The following CHRNA7 variants were observed in gnomAD, a reference collection of about 807,000 sequenced individuals.
The protein encoded by CHRNA7 is neuronal acetylcholine receptor subunit alpha-7.
CHRNA7 carries 17 observed loss-of-function variants against 48.0 expected under a neutral mutation model. That is an observed-to-expected ratio of 0.35 (90% CI 0.24 to 0.53). CHRNA7 has a LOEUF of 0.53. Among genes scored for constraint, CHRNA7 ranks in the 20% least tolerant of loss-of-function variants. The pLI is 0.92. For missense variants in CHRNA7, 155 were observed against 577.7 expected (o/e 0.27, Z 7.50); for synonymous variants, 75 against 242.3 (o/e 0.31, Z 6.41).
intron 4 of CHRNA7, among the ~76,000 whole-genome samples, chr15:32,129,595 A>G (rs940438569): frequency 2.0e-5 from 3 of 151,896 alleles, no homozygotes; most frequent in Non-Finnish European, 4.4e-5. Context: ...TTTGATGTCT[A>G]CAATGTCTGT....
intron 7 of CHRNA7, chr15:32,159,013 C>T: frequency 4.0e-6 from 1 of 247,798 alleles, no homozygotes; most frequent in Non-Finnish European, 7.7e-6. Flanking sequence ...ACGATCACTC[C>T]CATACGAAGC....
intron 2 of CHRNA7, among the ~76,000 whole-genome samples, chr15:32,031,667 G>A (rs1270230969): frequency 1.3e-5 from 2 of 152,364 alleles, no homozygotes; most frequent in Admixed American, 6.5e-5. Context: ...CCTCCAGGCA[G>A]CTGCCATCAG....
intron 4 of CHRNA7, among the ~76,000 whole-genome samples, chr15:32,139,941 C>CT: frequency 6.6e-6 from 1 of 152,028 alleles, no homozygotes; most frequent in Non-Finnish European, 1.5e-5. Flanking sequence ...TATTATTATA[C>CT]TTTAAGTTAT....
At chr15:32,137,335 A>C (rs933892376) in intron 4 of CHRNA7, among the ~76,000 whole-genome samples, 27 of 140,252 alleles carry the variant, frequency 1.9e-4, no homozygotes, top group East Asian at 1.3e-3. Context: ...TGTTTACAAC[A>C]CCCCCCCCCC....
At chr15:32,064,589 A>G (rs989816341) in intron 2 of CHRNA7, among the ~76,000 whole-genome samples, 1 of 152,022 alleles carries the variant, frequency 6.6e-6, no homozygotes, top group African/African-American at 2.4e-5. Context: ...GCTTCATCAT[A>G]GCATGATTTG....
intron 4 of CHRNA7, among the ~76,000 whole-genome samples, chr15:32,131,355 C>T (rs565478730): frequency 6.6e-6 from 1 of 151,696 alleles, no homozygotes; most frequent in Non-Finnish European, 1.5e-5. Context: ...CAGGCTGTGT[C>T]GATTTTTTTT....
chr15:32,107,906 G>T (rs2050697516), intron 3 of CHRNA7, among the ~76,000 whole-genome samples: 1 of 152,082 alleles, frequency 6.6e-6, no homozygotes, highest in Non-Finnish European at 1.5e-5. Flanking sequence ...CAGGCCTCAG[G>T]CATGGTCAGA....
At chr15:32,059,944 C>CAAAAAAAAA (rs34200550) in intron 2 of CHRNA7, among the ~76,000 whole-genome samples, 13 of 33,052 alleles carry the variant, frequency 3.9e-4, no homozygotes, top group Admixed American at 1.9e-3. Flanking sequence ...AGTAGAAAAG[C>CAAAAAAAAA]AAAAAAAAAA....
At chr15:32,065,410 G>A (rs1158677092) in intron 2 of CHRNA7, among the ~76,000 whole-genome samples, 2 of 152,218 alleles carry the variant, frequency 1.3e-5, no homozygotes, top group South Asian at 2.1e-4. Context: ...ACCAAATGCA[G>A]AGCTTTCCCA....
At chr15:32,147,428 C>CCTG (rs1160850503) in intron 4 of CHRNA7, among the ~76,000 whole-genome samples, 1 of 152,192 alleles carries the variant, frequency 6.6e-6, no homozygotes, top group Non-Finnish European at 1.5e-5. Context: ...ATAGCACGTG[C>CCTG]CTGCAGTCCT....
chr15:32,073,850 A>G (rs903771745), intron 2 of CHRNA7, among the ~76,000 whole-genome samples: 10 of 152,156 alleles, frequency 6.6e-5, no homozygotes, highest in Admixed American at 2.0e-4. Flanking sequence ...TGCTGGCACC[A>G]TGCTTCTTGG....
chr15:32,043,970 T>C (rs138271459), intron 2 of CHRNA7, among the ~76,000 whole-genome samples: 12 of 152,336 alleles, frequency 7.9e-5, no homozygotes, highest in African/African-American at 2.9e-4. Context: ...AGCACTTTTA[T>C]ATACAGCATA....
chr15:32,088,860 C>G (rs1053659539), intron 2 of CHRNA7, among the ~76,000 whole-genome samples: 1 of 152,080 alleles, frequency 6.6e-6, no homozygotes, highest in African/African-American at 2.4e-5. Context: ...GTATCCCAGT[C>G]TGTAGTTTTT....
At chr15:32,125,059 C>T (rs116829743) in intron 4 of CHRNA7, among the ~76,000 whole-genome samples, 3,113 of 152,098 alleles carry the variant, frequency 0.02, 121 homozygotes, top group African/African-American at 0.071. Context: ...TAGCCGGAGC[C>T]CTATGACAGC....
chr15:32,136,564 G>C (rs2051262197), intron 4 of CHRNA7, among the ~76,000 whole-genome samples: 1 of 151,984 alleles, frequency 6.6e-6, no homozygotes, highest in Non-Finnish European at 1.5e-5. Flanking sequence ...AACTTGGACA[G>C]TGCTTGGAGG....
chr15:32,066,999 A>C (rs994057174), intron 2 of CHRNA7, among the ~76,000 whole-genome samples: 1 of 152,200 alleles, frequency 6.6e-6, no homozygotes, highest in African/African-American at 2.4e-5. Context: ...ACTGAGAAAA[A>C]AAATGGGGAA....
intron 4 of CHRNA7, among the ~76,000 whole-genome samples, chr15:32,140,760 T>A (rs1425192792): frequency 6.6e-6 from 1 of 152,220 alleles, no homozygotes; most frequent in African/African-American, 2.4e-5. Context: ...TTGCCCACTT[T>A]TTGATGGGGT....
intron 2 of CHRNA7, among the ~76,000 whole-genome samples, chr15:32,034,210 T>G (rs1901977216): frequency 6.6e-6 from 1 of 152,172 alleles, no homozygotes; most frequent in Non-Finnish European, 1.5e-5. Flanking sequence ...AGAAGGAGTT[T>G]GCCACTGAAA....
Position 32,104,399 on chromosome 15 carries a change from T to C in CHRNA7, c.240+3052T>C, listed in dbSNP as rs2050626301. On this transcript the variant is annotated intron_variant, in intron 3 of 9. Coordinates refer to ENST00000306901, the MANE Select transcript of CHRNA7 (RefSeq NM_000746.6). ...AAGGTCAACTCTTCATTGAGTCTTC[T>C]TTGAGCTCCGATGTACTGTCCCAAA... is the stretch of plus-strand genomic sequence containing the variant. 2.0e-5 allele frequency among the ~76,000 whole-genome samples: 3 copies of C among 152,134 alleles called. No homozygotes were observed. The South Asian group carries it at 6.2e-4, about 32-fold the overall frequency.
Sources: gnomAD v4.1 joint callset for allele counts (sites outside exome capture counted in the v4.1 genomes callset) on GRCh38, gnomAD v4.1.1 for gene constraint, MANE v1.5 for transcripts, NCBI Gene and HGNC (gene_info 2026-07-23, HGNC 2026-07-21) for gene names.